GNAZ: variants seen among roughly 807,000 people sequenced by gnomAD.
GNAZ encodes G protein subunit alpha z, also known as guanine nucleotide-binding protein G(z) subunit alpha.
GNAZ carries 3 observed loss-of-function variants against 25.4 expected under a neutral mutation model. That is an observed-to-expected ratio of 0.12 (90% CI 0.05 to 0.30). GNAZ has a LOEUF of 0.30. Ranked by LOEUF, GNAZ falls within the 10% of genes least tolerant of loss-of-function variation. The pLI is 1.00. For missense variants in GNAZ, 241 were observed against 501.8 expected (o/e 0.48, Z 4.97); for synonymous variants, 211 against 205.7 (o/e 1.03, Z -0.22).
At chr22:23,098,202 TG>T (rs1336609450) in intron 2 of GNAZ, among the ~76,000 whole-genome samples, 3 of 152,258 alleles carry the variant, frequency 2.0e-5, no homozygotes, top group Non-Finnish European at 4.4e-5. Flanking sequence ...CAGCTTGTTT[TG>T]CTCCAGCAGT....
chr22:23,080,363 CTCATCTCCCCGG>C (rs1435473911), intron 1 of GNAZ, among the ~76,000 whole-genome samples: 1 of 151,882 alleles, frequency 6.6e-6, no homozygotes, highest in Non-Finnish European at 1.5e-5. Context: ...CCCTGTTCAT[CTCATCTCCCCGG>C]TCATCTCATC....
chr22:23,092,910 A>G (rs1055006479), intron 1 of GNAZ, among the ~76,000 whole-genome samples: 2 of 152,236 alleles, frequency 1.3e-5, no homozygotes, highest in East Asian at 3.9e-4. Flanking sequence ...TGGGTTGGAC[A>G]CTGCCTTCTG....
At chr22:23,087,691 T>C (rs1476508475) in intron 1 of GNAZ, among the ~76,000 whole-genome samples, 1 of 152,140 alleles carries the variant, frequency 6.6e-6, no homozygotes, top group Non-Finnish European at 1.5e-5. Context: ...GAGTGCTGAT[T>C]GGTCAGAGAT....
chr22:23,086,008 C>A (rs2068809276), intron 1 of GNAZ, among the ~76,000 whole-genome samples: 1 of 152,278 alleles, frequency 6.6e-6, no homozygotes, highest in African/African-American at 2.4e-5. Context: ...GGCCCCTCGG[C>A]AGGGTCCCGC....
intron 2 of GNAZ, among the ~76,000 whole-genome samples, chr22:23,108,461 A>G (rs905378715): frequency 2.0e-5 from 3 of 152,250 alleles, no homozygotes; most frequent in Non-Finnish European, 4.4e-5. Flanking sequence ...CCTCGAGGTG[A>G]CAGAGACGGA....
At chr22:23,088,466 G>A (rs1470182756) in intron 1 of GNAZ, among the ~76,000 whole-genome samples, 2 of 152,196 alleles carry the variant, frequency 1.3e-5, no homozygotes, top group Non-Finnish European at 2.9e-5. Context: ...TACAGGAGCC[G>A]CGGCTGCCTG....
intron 2 of GNAZ, among the ~76,000 whole-genome samples, chr22:23,116,090 C>T (rs773010822): frequency 1.7e-4 from 26 of 152,274 alleles, no homozygotes; most frequent in Non-Finnish European, 3.2e-4. Flanking sequence ...ATGTGCTCAC[C>T]ACGTGCCCAG....
At chr22:23,081,641 G>A (rs971538090) in intron 1 of GNAZ, among the ~76,000 whole-genome samples, 2 of 152,026 alleles carry the variant, frequency 1.3e-5, no homozygotes, top group African/African-American at 4.8e-5. Flanking sequence ...GGCCAACATG[G>A]CAAAACCCTG....
In GNAZ at chr22:23,096,349, C is replaced by T. The variant is rs2230332; in HGVS notation, c.654C>T (p.Gly218=). 1,677 of 1,613,502 alleles carry T rather than the reference C, an allele frequency of 1.0e-3. 9 individuals carry two copies. The African/African-American group carries it at 0.02, about 19-fold the overall frequency. ...ERKKWIHCFE[G]VTAIIFCVEL... Reference sequence around the variant, plus strand: ...AAAAGTGGATCCACTGCTTCGAGGGCGTCACAGCCATCATCTTCTGTGTGG... The same window carrying T: ...AAAAGTGGATCCACTGCTTCGAGGGTGTCACAGCCATCATCTTCTGTGTGG... Residue 218 remains glycine, a synonymous_variant, in exon 2 of 3, where the codon GGC becomes GGT. Coordinates refer to ENST00000615612, the MANE Select transcript of GNAZ (RefSeq NM_002073.4).
intron 1 of GNAZ, among the ~76,000 whole-genome samples, chr22:23,078,384 T>C (rs1328796100): frequency 6.6e-6 from 1 of 152,180 alleles, no homozygotes; most frequent in Non-Finnish European, 1.5e-5. Context: ...TGCCCAGCCT[T>C]GCCCCACCCC....
rs145917691 is a variant in GNAZ at position 23,071,941 on chromosome 22, C to T, written c.-450+1371C>T. Among the ~76,000 whole-genome samples, 1 of 152,056 alleles carries T rather than the reference C, an allele frequency of 6.6e-6. No individual in the cohort carries two copies. The highest frequency in any genetic ancestry group is 1.5e-5 in the Non-Finnish European group (1 of 67,972). ...GCGGGAAAGGCCGGTGGGGGCTGCA[C>T]GGGGCTGAGGGAGCTGGGAAGTGGA... On this transcript the variant is annotated intron_variant, in intron 1 of 2. Transcript: ENST00000615612. This position sits in a 1 kb window ranked among gnomAD's most constrained non-coding sequence, Gnocchi z 4.1.
intron 2 of GNAZ, among the ~76,000 whole-genome samples, chr22:23,116,792 G>A (rs2069850493): frequency 6.6e-6 from 1 of 152,154 alleles, no homozygotes; most frequent in Non-Finnish European, 1.5e-5. Context: ...GAAGGAGTGG[G>A]GTGTGGGGAG....
chr22:23,113,730 C>T (rs1321876127), intron 2 of GNAZ, among the ~76,000 whole-genome samples: 2 of 152,236 alleles, frequency 1.3e-5, no homozygotes, highest in Non-Finnish European at 2.9e-5. Context: ...CTCGCCCTCT[C>T]CCCACTAGAG....
chr22:23,078,360 C>T (rs527919020), intron 1 of GNAZ, among the ~76,000 whole-genome samples: 56 of 152,206 alleles, frequency 3.7e-4, no homozygotes, highest in Non-Finnish European at 7.1e-4. Flanking sequence ...ACACCACGCA[C>T]GCAAGCACAG....
chr22:23,095,056 C>A (rs575786112), intron 1 of GNAZ, among the ~76,000 whole-genome samples, 191 bp from the exon 2 acceptor site: 2 of 152,232 alleles, frequency 1.3e-5, no homozygotes, highest in African/African-American at 4.8e-5. Context: ...CAGGCAACAG[C>A]AGACATATGT....
chr22:23,103,037 A>G (rs1372509310), intron 2 of GNAZ, among the ~76,000 whole-genome samples: 1 of 152,204 alleles, frequency 6.6e-6, no homozygotes, highest in East Asian at 1.9e-4. Context: ...CTTCGGCACC[A>G]TGCCAGGCAG....
At chr22:23,073,622 G>C (rs1004709041) in intron 1 of GNAZ, among the ~76,000 whole-genome samples, 5 of 152,248 alleles carry the variant, frequency 3.3e-5, no homozygotes, top group Non-Finnish European at 5.9e-5. Flanking sequence ...AACACCGCCA[G>C]GGGAGGCGCT....
chr22:23,092,701 C>A (rs1416173822), intron 1 of GNAZ, among the ~76,000 whole-genome samples: 1 of 152,212 alleles, frequency 6.6e-6, no homozygotes, highest in African/African-American at 2.4e-5. Context: ...GGCTGCCAGC[C>A]CAGTGTCCCC....
At chr22:23,100,378 T>G (rs2069262462) in intron 2 of GNAZ, among the ~76,000 whole-genome samples, 2 of 152,232 alleles carry the variant, frequency 1.3e-5, no homozygotes, top group Admixed American at 1.3e-4. Context: ...ACAGCAGGGT[T>G]CACCGTGGGA....
Sources: gnomAD v4.1 joint callset for allele counts (sites outside exome capture counted in the v4.1 genomes callset) on GRCh38, gnomAD v4.1.1 for gene constraint, Gnocchi (gnomAD v3.1) non-coding constraint, MANE v1.5 for transcripts, NCBI Gene and HGNC (gene_info 2026-07-23, HGNC 2026-07-21) for gene names.